The following LSM4 variants were observed in gnomAD, a reference collection of about 807,000 sequenced individuals.
LSM4 encodes U6 snRNA-associated Sm-like protein LSm4.
LSM4 carries 15 observed loss-of-function variants against 22.3 expected under a neutral mutation model. The observed-to-expected ratio is 0.67, with a 90% confidence interval of 0.45 to 1.03. LSM4 has a LOEUF of 1.03. Ranked by LOEUF, LSM4 falls within the 50% of genes least tolerant of loss-of-function variation. The probability of loss-of-function intolerance (pLI) is 0.00; values close to 1 mark genes in which losing one functional copy is unlikely to be tolerated. For missense variants in LSM4, 127 were observed against 198.0 expected (o/e 0.64, Z 2.15); for synonymous variants, 90 against 79.8 (o/e 1.13, Z -0.68).
intron 3 of LSM4, among the ~76,000 whole-genome samples, chr19:18,310,386 G>T (rs1250646857): frequency 6.6e-6 from 1 of 152,212 alleles, no homozygotes. Context: ...CTGGGTGCAG[G>T]GACATGCGAG....
chr19:18,308,078 C>T (rs1266021968), intron 4 of LSM4, among the ~76,000 whole-genome samples: 2 of 152,198 alleles, frequency 1.3e-5, no homozygotes, highest in East Asian at 3.9e-4. Context: ...CCCAGCAGGC[C>T]TGAGGCCAGA....
rs1970352349 is a variant in LSM4, at chr19:18,316,073, G to A, written c.4-8C>T. The A allele has an allele frequency of 6.2e-7, 1 of 1,613,482 alleles. No individual in the cohort carries two copies. Among genetic ancestry groups the A allele is most frequent in the Non-Finnish European group, 8.5e-7 (1 of 1,179,636 alleles). On this transcript the variant is annotated splice_region_variant and splice_polypyrimidine_tract_variant and intron_variant, in intron 1 of 4. Coordinates refer to ENST00000593829, the MANE Select transcript of LSM4 (RefSeq NM_012321.5). ...CAGCAGTGACAAGGGAAGCTGAAAG[G>A]CAAATAAAGCCACATGATTTGTCTG...
At chr19:18,320,026 C>G (rs1419252781) in intron 1 of LSM4, among the ~76,000 whole-genome samples, 1 of 152,216 alleles carries the variant, frequency 6.6e-6, no homozygotes, top group Non-Finnish European at 1.5e-5. Flanking sequence ...ACTCGCCCCA[C>G]CCCACAGGTA....
chr19:18,315,909 A>C, intron 2 of LSM4, 115 bp downstream of exon 2: 2 of 887,436 alleles, frequency 2.3e-6, no homozygotes, highest in Non-Finnish European at 1.8e-6. Context: ...GGGAGAAGAG[A>C]GCAAACTGCC....
chr19:18,316,483 G>A (rs2148143891), intron 1 of LSM4, among the ~76,000 whole-genome samples: 1 of 151,938 alleles, frequency 6.6e-6, no homozygotes, highest in South Asian at 2.1e-4. Context: ...AGCAGCTGGG[G>A]ACAACAGGCA....
At chr19:18,308,868 G>A (rs1466688115) in intron 4 of LSM4, among the ~76,000 whole-genome samples, 1 of 152,154 alleles carries the variant, frequency 6.6e-6, no homozygotes, top group Non-Finnish European at 1.5e-5. Context: ...GTTACTGCGA[G>A]GCTGCTATCT....
At position 18,309,953 on chromosome 19, in the gene LSM4, T is replaced by G. The variant is rs892202612; in HGVS notation, c.145-92A>C. Reference sequence around the variant, plus strand: ...GAGGCCCTGCAGATCCTGCCCAGCCTGCACCCCGTACCACCCCTGCAAGCT... The same window carrying G: ...GAGGCCCTGCAGATCCTGCCCAGCCGGCACCCCGTACCACCCCTGCAAGCT... On this transcript the variant is annotated intron_variant, in intron 3 of 4. Coordinates refer to ENST00000593829, the MANE Select transcript of LSM4 (RefSeq NM_012321.5). The G allele has an allele frequency of 1.1e-5, 14 of 1,257,570 alleles. No individual in the cohort carries two copies. The African/African-American group carries it at 1.4e-4, about 12-fold the overall frequency. 77.9% of individuals were successfully genotyped at this position (1,257,570 alleles called of 1,614,324 possible). A position where few individuals can be genotyped will look rare whatever the true frequency, so the allele number is the denominator to read the frequency against.
chr19:18,315,150 T>C (rs998723477), intron 2 of LSM4, among the ~76,000 whole-genome samples: 3 of 151,970 alleles, frequency 2.0e-5, no homozygotes, highest in African/African-American at 7.2e-5. Flanking sequence ...GTGCTGGGAT[T>C]ACAGGCATAG....
rs1415229791 is a variant in LSM4 at position 18,312,636 on chromosome 19, T to C, written c.112A>G (p.Ile38Val). ...GTGCAGATGACTTCTCGCAGGTTAATGTTCATCCAGTTGTCGCAGCTCACC... is the reference window on the plus strand; with the variant it reads ...GTGCAGATGACTTCTCGCAGGTTAACGTTCATCCAGTTGTCGCAGCTCACC... The part of the protein sequence containing the change: ...HLVSCDNWMN[I>V]NLREVICTSR... The change falls in exon 3 of 5, where the codon ATT becomes GTT. Residue 38 changes from isoleucine to valine, a missense_variant. Physicochemically the swap from Ile to Val is conservative, Grantham distance 29 (BLOSUM62 3). Transcript: ENST00000593829. 5 of 1,613,842 alleles carry C rather than the reference T, an allele frequency of 3.1e-6. No individual in the cohort carries two copies. The highest frequency in any genetic ancestry group is 1.3e-5 in the African/African-American group (1 of 74,930).
At chr19:18,322,937 GC>G in intron 1 of LSM4, 80 bp downstream of exon 1, 1 of 1,561,162 alleles carries the variant, frequency 6.4e-7, no homozygotes. Flanking sequence ...CGCCAACCAA[GC>G]CCACAGCGCC....
intron 3 of LSM4, 101 bp downstream of exon 3, chr19:18,312,503 G>A (rs1017706917): frequency 2.9e-5 from 28 of 959,806 alleles, no homozygotes; most frequent in Admixed American, 1.8e-4. Flanking sequence ...AGTCCTAGGC[G>A]GCCTCCCCCA....
At chr19:18,313,686 T>G (rs568725327) in intron 2 of LSM4, among the ~76,000 whole-genome samples, 2 of 152,210 alleles carry the variant, frequency 1.3e-5, no homozygotes, top group South Asian at 2.1e-4. Flanking sequence ...TGTGGTTAAT[T>G]TCTTTTCCTT....
intron 4 of LSM4, among the ~76,000 whole-genome samples, chr19:18,309,073 C>G (rs566693385): frequency 1.3e-5 from 2 of 152,088 alleles, no homozygotes; most frequent in Admixed American, 6.5e-5. Flanking sequence ...GCCCCTCCCT[C>G]GGGCTCACTC....
chr19:18,311,550 A>T (rs1438409671), intron 3 of LSM4, among the ~76,000 whole-genome samples: 2 of 152,168 alleles, frequency 1.3e-5, no homozygotes, highest in African/African-American at 2.4e-5. Context: ...TCACGCACGC[A>T]ACACGCCTGG....
At position 18,310,587 on chromosome 19, in the gene LSM4, C is replaced by G. The variant is rs370117849; in HGVS notation, c.145-726G>C. Among the ~76,000 whole-genome samples the G allele has an allele frequency of 1.9e-4, 29 of 152,168 alleles. 1 individual carries two copies. The highest frequency in any genetic ancestry group is 4.0e-4 in the Non-Finnish European group (27 of 68,022). On this transcript the variant is annotated intron_variant, in intron 3 of 4. Transcript: ENST00000593829. ...CTCCGAGGCCCCCACTGGGACAGATCGAGGGATTAGCAGGGGCCAGGGCCA... is the reference window on the plus strand; with the variant it reads ...CTCCGAGGCCCCCACTGGGACAGATGGAGGGATTAGCAGGGGCCAGGGCCA...
At chr19:18,307,902 G>A (rs972354156) in intron 4 of LSM4, among the ~76,000 whole-genome samples, 8 of 151,628 alleles carry the variant, frequency 5.3e-5, no homozygotes, top group East Asian at 3.9e-4. Context: ...TAGGAGAGGC[G>A]TGGAGCAGAG....
chr19:18,310,636 C>G (rs1970288340), intron 3 of LSM4, among the ~76,000 whole-genome samples: 1 of 152,186 alleles, frequency 6.6e-6, no homozygotes, highest in Non-Finnish European at 1.5e-5. Context: ...AGTTTCCCAG[C>G]CCCGCCCCAC....
chr19:18,309,598 A>G lies in LSM4; in HGVS notation c.328+80T>C, dbSNP rs780884185. On this transcript the variant is annotated intron_variant, in intron 4 of 4. Coordinates refer to ENST00000593829, the MANE Select transcript of LSM4 (RefSeq NM_012321.5). ...TGGGAGGCTCCGAGGCAGCGCTGCA[A>G]GGGCAACCCCAAGAAGGAGGGATGC... The G allele has an allele frequency of 2.1e-6, 3 of 1,452,214 alleles. No homozygotes were observed. The Admixed American group carries it at 6.9e-5, about 33-fold the overall frequency. 90.0% of individuals were successfully genotyped at this position (1,452,214 alleles called of 1,614,324 possible). A position where few individuals can be genotyped will look rare whatever the true frequency, so the allele number is the denominator to read the frequency against.
intron 1 of LSM4, among the ~76,000 whole-genome samples, 167 bp downstream of exon 1, chr19:18,322,851 C>T (rs991178690): frequency 1.3e-5 from 2 of 152,242 alleles, no homozygotes; most frequent in African/African-American, 2.4e-5. Context: ...ATAGAGCCAC[C>T]TGCAGTCTCC....
Sources: allele counts gnomAD v4.1 joint callset (sites outside exome capture counted in the v4.1 genomes callset), GRCh38; gene constraint gnomAD v4.1.1; transcripts MANE v1.5; gene names NCBI Gene and HGNC (gene_info 2026-07-23, HGNC 2026-07-21).